The following ZNF331 variants were observed in gnomAD, a reference collection of about 807,000 sequenced individuals.
ZNF331 encodes zinc finger protein 331.
ZNF331 carries 2 observed loss-of-function variants against 7.0 expected under a neutral mutation model. The observed-to-expected ratio is 0.29, with a 90% confidence interval of 0.12 to 0.90. The LOEUF (loss-of-function observed/expected upper bound fraction) is 0.90, where lower values mean the gene tolerates loss of function less well. Among genes scored for constraint, ZNF331 ranks in the 40% least tolerant of loss-of-function variants. ZNF331 has a pLI of 0.58. For synonymous variants in ZNF331, 196 were observed against 205.4 expected (o/e 0.95, Z 0.39); for missense variants, 432 against 587.7 (o/e 0.74, Z 2.74).
At chr19:53,520,412 T>C (rs1485534101), upstream of ZNF331, among the ~76,000 whole-genome samples, 2 of 152,128 alleles carry the variant, frequency 1.3e-5, no homozygotes, top group Non-Finnish European at 2.9e-5. Flanking sequence ...CAAATGCAAG[T>C]TGTAAGCAAT....
rs1322168098 is a variant in ZNF331 at position 53,579,122 on chromosome 19, G to A, written c.*1170G>A. Reference sequence around the variant, plus strand: ...CCCACTGATCACTCTTCTGCTTACAGAATATCAGAAGTCATTCTAGAGGCA... The same window carrying A: ...CCCACTGATCACTCTTCTGCTTACAAAATATCAGAAGTCATTCTAGAGGCA... On this transcript the variant is annotated 3_prime_UTR_variant, in exon 6 of 6. Transcript: ENST00000449416. The A allele has an allele frequency of 2.0e-5, 4 of 200,124 alleles. No individual in the cohort carries two copies. The East Asian group carries it at 3.1e-4, about 15-fold the overall frequency. 12.4% of individuals were successfully genotyped at this position (200,124 alleles called of 1,614,324 possible).
the ZNF331 span, among the ~76,000 whole-genome samples, chr19:53,506,411 C>CTCTCTCT: frequency 6.7e-5 from 5 of 74,404 alleles, no homozygotes; most frequent in Non-Finnish European, 7.5e-5. Context: ...CTCTCTCTCT[C>CTCTCTCT]CTCTCTCTCT....
the ZNF331 span, among the ~76,000 whole-genome samples, chr19:53,511,279 A>G: frequency 1.3e-5 from 2 of 152,170 alleles, no homozygotes; most frequent in East Asian, 3.8e-4. Flanking sequence ...AGACAAAAGA[A>G]TACCCAATTA....
At chr19:53,565,711 T>C (rs1051981183) in intron 3 of ZNF331, among the ~76,000 whole-genome samples, 4 of 151,678 alleles carry the variant, frequency 2.6e-5, no homozygotes, top group African/African-American at 4.8e-5. Context: ...ATTTTTCTAG[T>C]AGGGACGGGG....
chr19:53,544,520 G>C (rs988729384), intron 2 of ZNF331, among the ~76,000 whole-genome samples: 1 of 147,326 alleles, frequency 6.8e-6, no homozygotes, highest in Non-Finnish European at 1.5e-5. Flanking sequence ...ACTCCAGCCT[G>C]GGCGACAGAG....
chr19:53,529,510 A>G (rs10405421), intron 2 of ZNF331, among the ~76,000 whole-genome samples: 52,220 of 151,834 alleles, frequency 0.34, 9,675 homozygotes, highest in African/African-American at 0.49. Context: ...CATCATTGGT[A>G]TAAATCAGGT....
rs1409631555 is a variant in ZNF331 at position 53,573,868 on chromosome 19, T to A, written c.136+2138T>A. On this transcript the variant is annotated intron_variant, in intron 5 of 5. Coordinates refer to ENST00000449416, the MANE Select transcript of ZNF331 (RefSeq NM_001079906.2). The surrounding 1 kb of genome is among the most constrained non-coding windows in gnomAD (Gnocchi z 4.2). Reference sequence around the variant, plus strand: ...TGGTTCACGCCTATAATCCCAGCACTTTGGGAGTCCAAGGCGGGCAGATCA... The same window carrying A: ...TGGTTCACGCCTATAATCCCAGCACATTGGGAGTCCAAGGCGGGCAGATCA... Among the ~76,000 whole-genome samples the A allele has an allele frequency of 3.9e-5, 6 of 152,278 alleles. No homozygotes were observed. The East Asian group carries it at 1.2e-3, about 30-fold the overall frequency.
intron 2 of ZNF331, among the ~76,000 whole-genome samples, chr19:53,544,708 T>C (rs867709816): frequency 1.3e-5 from 2 of 152,096 alleles, no homozygotes; most frequent in African/African-American, 2.4e-5. Context: ...TGTGTCACTA[T>C]CCTGGCTGTG....
upstream of ZNF331, chr19:53,537,250 C>G (rs1233583586): frequency 6.6e-6 from 1 of 152,288 alleles, no homozygotes; most frequent in East Asian, 1.9e-4. Flanking sequence ...CCTGTAGACC[C>G]TGTGACGTTA....
At chr19:53,508,316 C>T in the ZNF331 span, among the ~76,000 whole-genome samples, 3 of 152,248 alleles carry the variant, frequency 2.0e-5, no homozygotes, top group East Asian at 1.9e-4. Flanking sequence ...AATCATGTCA[C>T]GCCAGCTGAC....
intron 2 of ZNF331, among the ~76,000 whole-genome samples, chr19:53,531,663 A>C (rs1375150732): frequency 6.6e-6 from 1 of 152,234 alleles, no homozygotes; most frequent in East Asian, 1.9e-4. Context: ...GAGTTTGAGC[A>C]AACTTCTGTG....
chr19:53,529,348 C>T (rs1016773757), intron 2 of ZNF331, among the ~76,000 whole-genome samples: 2 of 150,342 alleles, frequency 1.3e-5, no homozygotes, highest in African/African-American at 2.5e-5. Context: ...TGCAGTGAGC[C>T]GAGATCATGC....
At chr19:53,528,165 GTC>G (rs2087379783) in intron 2 of ZNF331, among the ~76,000 whole-genome samples, 1 of 152,176 alleles carries the variant, frequency 6.6e-6, no homozygotes, top group South Asian at 2.1e-4. Flanking sequence ...GCAGAATCAT[GTC>G]TCTATTTCCC....
At chr19:53,527,599 C>T (rs2087354639) in intron 2 of ZNF331, among the ~76,000 whole-genome samples, 1 of 152,292 alleles carries the variant, frequency 6.6e-6, no homozygotes, top group African/African-American at 2.4e-5. Flanking sequence ...CTGTCTCCCA[C>T]TCCCCCACTA....
chr19:53,570,922 T>C (rs1314869764), intron 4 of ZNF331, among the ~76,000 whole-genome samples: 3 of 148,376 alleles, frequency 2.0e-5, no homozygotes, highest in East Asian at 4.0e-4. Context: ...AGTGCCACAA[T>C]CTCCGCTCAC....
Position 53,567,205 on chromosome 19 carries a change from C to G in ZNF331, c.-73-2099C>G, listed in dbSNP as rs140416856. On this transcript the variant is annotated intron_variant, in intron 3 of 5. Transcript: ENST00000449416. ...GCTTTTCTGGACTCAAAAGTGCTCT[C>G]AGATGTCACCTCTGGTATACAAAAA... 2.0e-3 allele frequency among the ~76,000 whole-genome samples: 304 copies of G among 152,276 alleles called. 1 individual carries two copies. The highest frequency in any genetic ancestry group is 1.9e-3 in the Non-Finnish European group (129 of 68,026).
chr19:53,554,820 A>T (rs1005283639), intron 2 of ZNF331: 6 of 151,828 alleles, frequency 4.0e-5, no homozygotes, highest in African/African-American at 1.5e-4. Flanking sequence ...GGTGCTCCCG[A>T]GGCTTTGGGG....
At chr19:53,545,402 G>A (rs8102653) in intron 2 of ZNF331, among the ~76,000 whole-genome samples, 27,426 of 152,218 alleles carry the variant, frequency 0.18, 5,123 homozygotes, top group African/African-American at 0.48. Flanking sequence ...AAGGGGCACC[G>A]AACAGCAGCT....
At chr19:53,550,529 CTTTTTTTTTTTTTT>C (rs60619357) in intron 2 of ZNF331, among the ~76,000 whole-genome samples, 1 of 64,548 alleles carries the variant, frequency 1.5e-5, no homozygotes, top group African/African-American at 6.5e-5. Context: ...TCTATTTTGT[CTTTTTTTTTTTTTT>C]TTTTTTTTTT....
Sources: gnomAD v4.1 joint callset for allele counts (sites outside exome capture counted in the v4.1 genomes callset) on GRCh38, gnomAD v4.1.1 for gene constraint, Gnocchi (gnomAD v3.1) non-coding constraint, MANE v1.5 for transcripts, NCBI Gene and HGNC (gene_info 2026-07-23, HGNC 2026-07-21) for gene names.